ZEB1: variants seen among roughly 807,000 people sequenced by gnomAD.
The protein encoded by ZEB1 is zinc finger E-box binding homeobox 1.
In ZEB1, 21 loss-of-function variants were observed where a neutral mutation model predicts 84.9. The observed-to-expected ratio is 0.25, with a 90% CI of 0.18 to 0.36. ZEB1 has a LOEUF of 0.36. Among genes scored for constraint, ZEB1 ranks in the 10% least tolerant of loss-of-function variants. The pLI is 1.00. For synonymous variants in ZEB1, 420 were observed against 471.1 expected (o/e 0.89, Z 1.41); for missense variants, 1,104 against 1,330.2 (o/e 0.83, Z 2.65).
chr10:31,407,545 GC>G (rs2053353498), intron 1 of ZEB1, among the ~76,000 whole-genome samples: 1 of 151,688 alleles, frequency 6.6e-6, no homozygotes, highest in Non-Finnish European at 1.5e-5. Context: ...GAATAATGCC[GC>G]AATAAACATA....
intron 1 of ZEB1, among the ~76,000 whole-genome samples, chr10:31,384,683 T>C (rs2048313331): frequency 6.6e-6 from 1 of 152,156 alleles, no homozygotes; most frequent in African/African-American, 2.4e-5. Context: ...AAATGAAAAA[T>C]TCAGCCCTAA....
chr10:31,424,440 A>G (rs1022976200), intron 1 of ZEB1, among the ~76,000 whole-genome samples: 2 of 152,062 alleles, frequency 1.3e-5, no homozygotes, highest in African/African-American at 4.8e-5. Flanking sequence ...CATTGAATCT[A>G]CATATAGTGC....
chr10:31,493,368 A>G (rs2066809695), intron 2 of ZEB1, among the ~76,000 whole-genome samples: 2 of 151,900 alleles, frequency 1.3e-5, no homozygotes, highest in Non-Finnish European at 2.9e-5. Context: ...TTTCATTTTG[A>G]AAAAACAAAG....
intron 1 of ZEB1, among the ~76,000 whole-genome samples, chr10:31,383,123 A>G (rs1225493920): frequency 6.6e-6 from 1 of 151,956 alleles, no homozygotes; most frequent in Non-Finnish European, 1.5e-5. Flanking sequence ...CCAGCTTAAA[A>G]ACTAATTATA....
At chr10:31,525,803 C>G (rs1331715891) in intron 8 of ZEB1, among the ~76,000 whole-genome samples, 1 of 152,150 alleles carries the variant, frequency 6.6e-6, no homozygotes, top group Non-Finnish European at 1.5e-5. Context: ...AAAATCAGCC[C>G]CTTGTAACTC....
At chr10:31,339,424 T>G (rs1323662085) in intron 1 of ZEB1, among the ~76,000 whole-genome samples, 1 of 152,170 alleles carries the variant, frequency 6.6e-6, no homozygotes, top group Non-Finnish European at 1.5e-5. Flanking sequence ...ACTTATTTAC[T>G]TTTAAATAAA....
chr10:31,502,311 G>A (rs368738992), intron 3 of ZEB1, 37 bp from the exon 4 acceptor site: 18 of 1,607,596 alleles, frequency 1.1e-5, no homozygotes, highest in Non-Finnish European at 1.5e-5. Flanking sequence ...TAACTTAGTG[G>A]TGAGATTGCT....
intron 1 of ZEB1, among the ~76,000 whole-genome samples, chr10:31,392,816 ATAT>A (rs1299918155): frequency 1.3e-5 from 2 of 151,394 alleles, no homozygotes; most frequent in Admixed American, 6.6e-5. Context: ...TATATAGATG[ATAT>A]TATATATCCA....
intron 1 of ZEB1, among the ~76,000 whole-genome samples, chr10:31,355,379 A>C (rs1056293291): frequency 6.6e-6 from 1 of 152,240 alleles, no homozygotes; most frequent in Non-Finnish European, 1.5e-5. Context: ...ATTAAATGCT[A>C]TTCTTGCCAG....
rs1382283251 is a variant in ZEB1, at chr10:31,527,087, G to C, written c.3201G>C (p.Glu1067Asp). 12 of 1,590,918 alleles carry C rather than the reference G, an allele frequency of 7.5e-6. No homozygotes were observed. The highest frequency in any genetic ancestry group is 1.4e-5 in the African/African-American group (1 of 74,020). Reference sequence around the variant, plus strand: ...AACCACAAGGGGATGAGGAAGAGGAGGAGGAGGAGGAAGAAGTGGAAGAAG... The same window carrying C: ...AACCACAAGGGGATGAGGAAGAGGACGAGGAGGAGGAAGAAGTGGAAGAAG... ...CEKPQGDEEE[E>D]EEEEEVEEEE... The change falls in exon 9 of 9, where the codon GAG (glutamate) becomes GAC (aspartate). Residue 1067 changes from glutamate to aspartate, a missense_variant. Glu to Asp is a conservative substitution (Grantham distance 45). This residue lies in a region of ZEB1 where 173 missense variants were observed against 167.0 expected (regional missense o/e 1.04). Coordinates refer to ENST00000424869, the MANE Select transcript of ZEB1 (RefSeq NM_001174096.2).
chr10:31,363,087 C>T (rs1017756097), intron 1 of ZEB1: 2 of 1,533,992 alleles, frequency 1.3e-6, no homozygotes, highest in Non-Finnish European at 1.7e-6. Flanking sequence ...TTTTGTGGGA[C>T]CTGTGGCCGG....
At chr10:31,449,083 C>A (rs555916536) in intron 1 of ZEB1, among the ~76,000 whole-genome samples, 1 of 152,372 alleles carries the variant, frequency 6.6e-6, no homozygotes, top group South Asian at 2.1e-4. Flanking sequence ...GGCGTAGGAC[C>A]CTCTGAGCCA....
At chr10:31,391,325 T>C (rs1204401678) in intron 1 of ZEB1, among the ~76,000 whole-genome samples, 1 of 151,290 alleles carries the variant, frequency 6.6e-6, no homozygotes, top group Non-Finnish European at 1.5e-5. Context: ...TTTGAAAATA[T>C]TGCCCCTCCC....
intron 1 of ZEB1, among the ~76,000 whole-genome samples, chr10:31,421,100 T>G (rs1186910939): frequency 6.6e-6 from 1 of 152,104 alleles, no homozygotes; most frequent in Non-Finnish European, 1.5e-5. Flanking sequence ...TTGTACCAAT[T>G]TAGGGAGAAG....
At chr10:31,417,750 C>T (rs11819065) in intron 1 of ZEB1, among the ~76,000 whole-genome samples, 7,299 of 151,748 alleles carry the variant, frequency 0.048, 574 homozygotes, top group African/African-American at 0.17. Context: ...TCTGAACACC[C>T]AATATGGTAC....
intron 1 of ZEB1, among the ~76,000 whole-genome samples, chr10:31,332,210 C>T (rs958080769): frequency 7.9e-5 from 12 of 152,132 alleles, no homozygotes; most frequent in African/African-American, 2.2e-4. Flanking sequence ...AGAAGACTTA[C>T]GCTACTAGAA....
At chr10:31,380,307 G>A (rs986130172) in intron 1 of ZEB1, among the ~76,000 whole-genome samples, 1 of 152,042 alleles carries the variant, frequency 6.6e-6, no homozygotes, top group Admixed American at 6.6e-5. Context: ...AATTTCCTGC[G>A]AACTAAAAGT....
At chr10:31,329,792 G>A (rs2036374769) in intron 1 of ZEB1, among the ~76,000 whole-genome samples, 1 of 152,110 alleles carries the variant, frequency 6.6e-6, no homozygotes, top group South Asian at 2.1e-4. Flanking sequence ...TTTCACCGGT[G>A]ACTAATGATG....
chr10:31,508,197 C>T (rs946954062), intron 4 of ZEB1, among the ~76,000 whole-genome samples: 1 of 152,154 alleles, frequency 6.6e-6, no homozygotes, highest in African/African-American at 2.4e-5. Context: ...CTTACAGTAC[C>T]TGTCCTTAGA....
Sources: gnomAD v4.1 joint callset for allele counts (sites outside exome capture counted in the v4.1 genomes callset) on GRCh38, gnomAD v4.1.1 for gene constraint, gnomAD v4.1.1 regional missense constraint, MANE v1.5 for transcripts, NCBI Gene and HGNC (gene_info 2026-07-23, HGNC 2026-07-21) for gene names.